Variants in CACNA1E observed in about 807,000 individuals in gnomAD.
The protein encoded by CACNA1E is calcium voltage-gated channel subunit alpha1 E.
CACNA1E carries 40 observed loss-of-function variants against 259.2 expected under a neutral mutation model. The ratio of observed to expected loss-of-function variants is 0.15; its 90% CI spans 0.12 to 0.20. CACNA1E has a LOEUF of 0.20. Among genes scored for constraint, CACNA1E ranks in the 10% least tolerant of loss-of-function variants. The pLI, the probability that CACNA1E is intolerant of heterozygous loss-of-function variation, is 1.00. For synonymous variants in CACNA1E, 1,104 were observed against 1,138.5 expected (o/e 0.97, Z 0.61); for missense variants, 1,874 against 3,040.1 (o/e 0.62, Z 9.02).
intron 6 of CACNA1E, among the ~76,000 whole-genome samples, chr1:181,634,939 C>T (rs1657074097): frequency 6.6e-6 from 1 of 152,180 alleles, no homozygotes; most frequent in African/African-American, 2.4e-5. Context: ...TCCTCATAAG[C>T]CGATCATTCT....
At chr1:181,675,892 G>T (rs1649321919) in intron 7 of CACNA1E, among the ~76,000 whole-genome samples, 1 of 152,194 alleles carries the variant, frequency 6.6e-6, no homozygotes, top group South Asian at 2.1e-4. Context: ...TGTGTGAAGT[G>T]CATTGTGCTT....
intron 46 of CACNA1E, among the ~76,000 whole-genome samples, chr1:181,795,849 T>C (rs1164367881): frequency 6.6e-6 from 1 of 150,800 alleles, no homozygotes; most frequent in Non-Finnish European, 1.5e-5. Context: ...AAGCAGTGAC[T>C]TGTCCCATGT....
intron 46 of CACNA1E, 143 bp downstream of exon 46, chr1:181,795,187 G>C: frequency 1.4e-6 from 1 of 704,510 alleles, no homozygotes; most frequent in Non-Finnish European, 2.3e-6. Flanking sequence ...TTACCAAAGG[G>C]AATTCCTGTA....
intron 3 of CACNA1E, among the ~76,000 whole-genome samples, chr1:181,566,390 C>CT (rs1234493422): frequency 6.6e-6 from 1 of 152,088 alleles, no homozygotes; most frequent in African/African-American, 2.4e-5. Flanking sequence ...GTTTCTTTTT[C>CT]TTTTTGTTAT....
chr1:181,501,144 C>A (rs1183316460), intron 1 of CACNA1E, among the ~76,000 whole-genome samples: 2 of 152,166 alleles, frequency 1.3e-5, no homozygotes, highest in Non-Finnish European at 2.9e-5. Flanking sequence ...AGCGTTCAAT[C>A]ATTTGTCTGC....
intron 1 of CACNA1E, among the ~76,000 whole-genome samples, chr1:181,404,120 A>G (rs1197591869): frequency 6.6e-6 from 1 of 152,168 alleles, no homozygotes; most frequent in Non-Finnish European, 1.5e-5. Flanking sequence ...GGTTACCTTG[A>G]CTGGATTAGT....
chr1:181,429,823 T>C (rs1659586549), intron 2 of CACNA1E, among the ~76,000 whole-genome samples: 1 of 152,250 alleles, frequency 6.6e-6, no homozygotes, highest in Non-Finnish European at 1.5e-5. Context: ...TTCAGATCAG[T>C]TCATCTTAGG....
intron 1 of CACNA1E, among the ~76,000 whole-genome samples, chr1:181,404,087 A>G (rs1020232763): frequency 6.6e-6 from 1 of 152,162 alleles, no homozygotes; most frequent in Non-Finnish European, 1.5e-5. Context: ...CTTTTCCTTA[A>G]CTAATCACTG....
chr1:181,765,213 C>T (rs1409069899), intron 34 of CACNA1E, among the ~76,000 whole-genome samples: 6 of 152,238 alleles, frequency 3.9e-5, no homozygotes, highest in African/African-American at 7.2e-5. Context: ...AGAGTTCTTC[C>T]CTCTTTTCCC....
chr1:181,400,785 G>C (rs1657043337), intron 1 of CACNA1E, among the ~76,000 whole-genome samples: 1 of 152,048 alleles, frequency 6.6e-6, no homozygotes, highest in Non-Finnish European at 1.5e-5. Flanking sequence ...GGGGTACATT[G>C]AGCTCCTATT....
chr1:181,326,771 A>C (rs1456198929), intron 1 of CACNA1E, among the ~76,000 whole-genome samples: 1 of 152,124 alleles, frequency 6.6e-6, no homozygotes, highest in Non-Finnish European at 1.5e-5. Context: ...TCTAAAACCT[A>C]ACCCATCTTC....
chr1:181,651,884 A>G (rs1275312435), intron 7 of CACNA1E: 1 of 154,960 alleles, frequency 6.5e-6, no homozygotes, highest in Non-Finnish European at 1.4e-5. Flanking sequence ...ATCTGCAACT[A>G]TTTGGGGTCC....
At chr1:181,666,935 T>A (rs976048676) in intron 7 of CACNA1E, among the ~76,000 whole-genome samples, 3 of 152,056 alleles carry the variant, frequency 2.0e-5, no homozygotes, top group East Asian at 1.9e-4. Context: ...ACATGCATTT[T>A]AAAAATTAAA....
chr1:181,735,686 A>G (rs1352053010), intron 21 of CACNA1E, among the ~76,000 whole-genome samples: 1 of 152,248 alleles, frequency 6.6e-6, no homozygotes. Context: ...GGCCGAGAAA[A>G]GCACAGCCAG....
At chr1:181,733,393 G>A in intron 20 of CACNA1E, 44 bp from the exon 21 acceptor site, 2 of 1,454,812 alleles carry the variant, frequency 1.4e-6, no homozygotes, top group South Asian at 2.9e-5. Flanking sequence ...TGCCATTTGG[G>A]GACAGCGTCT....
chr1:181,652,349 A>T (rs1315360983), intron 7 of CACNA1E, among the ~76,000 whole-genome samples: 1 of 152,206 alleles, frequency 6.6e-6, no homozygotes, highest in Non-Finnish European at 1.5e-5. Context: ...TCAAATGAAA[A>T]TTTATAAGGT....
chr1:181,658,657 A>T lies in CACNA1E; in HGVS notation c.1055+7216A>T, dbSNP rs115230614. On this transcript the variant is annotated intron_variant, in intron 7 of 47. Transcript: ENST00000367573. The stretch of plus-strand genomic sequence containing the variant: ...CTGTCGGGCCATGGGCTCCTCTGGG[A>T]GATGGTCTGCACAGATTAGATGTCA... Among the ~76,000 whole-genome samples, 181 of 152,228 alleles carry T rather than the reference A, an allele frequency of 1.2e-3. 1 individual carries two copies. Among genetic ancestry groups the T allele is most frequent in the African/African-American group, 3.9e-3 (164 of 41,530 alleles).
chr1:181,553,541 T>G (rs907541436), intron 3 of CACNA1E, among the ~76,000 whole-genome samples: 3 of 152,202 alleles, frequency 2.0e-5, no homozygotes, highest in African/African-American at 7.2e-5. Flanking sequence ...AATACTATGT[T>G]GAATAGGAGT....
chr1:181,396,293 A>T (rs1656677559), intron 1 of CACNA1E, among the ~76,000 whole-genome samples: 1 of 152,232 alleles, frequency 6.6e-6, no homozygotes, highest in Non-Finnish European at 1.5e-5. Flanking sequence ...GGTTACACAG[A>T]CCAACCCTGG....
Sources: gnomAD v4.1 joint callset for allele counts (sites outside exome capture counted in the v4.1 genomes callset) on GRCh38, gnomAD v4.1.1 for gene constraint, MANE v1.5 for transcripts, NCBI Gene and HGNC (gene_info 2026-07-23, HGNC 2026-07-21) for gene names.